The following PLBD1 variants were observed in gnomAD, a reference collection of about 807,000 sequenced individuals.
PLBD1 encodes lysosomal leucine aminopeptidase.
In PLBD1, 60 loss-of-function variants were observed where a neutral mutation model predicts 63.0. The observed-to-expected ratio is 0.95, with a 90% confidence interval of 0.77 to 1.18. The LOEUF (loss-of-function observed/expected upper bound fraction) is 1.18. Among genes scored for constraint, PLBD1 ranks in the 50% most tolerant of loss-of-function variants. The pLI is 0.00. For missense variants in PLBD1, 598 were observed against 677.9 expected (o/e 0.88, Z 1.31); for synonymous variants, 262 against 248.0 (o/e 1.06, Z -0.53).
Position 14,506,219 on chromosome 12 carries a change from G to A in PLBD1, c.1422C>T (p.Cys474=), listed in dbSNP as rs1447293683. The change falls in exon 10 of 11, where the codon TGC becomes TGT. Residue 474 remains cysteine, a synonymous_variant. Transcript: ENST00000240617. ...YSRGDPCNTI[C]CREDLNSPNP... is the part of the protein sequence containing the mutation. Reference sequence around the variant, plus strand: ...TAGGTGAGTTCAGGTCCTCACGGCAGCAGATGGTATTACAGGGGTCACCTC... The same window carrying A: ...TAGGTGAGTTCAGGTCCTCACGGCAACAGATGGTATTACAGGGGTCACCTC... 3 of 1,613,200 alleles carry A rather than the reference G, an allele frequency of 1.9e-6. No individual in the cohort carries two copies. The highest frequency in any genetic ancestry group is 2.5e-6 in the Non-Finnish European group (3 of 1,179,476).
chr12:14,544,974 AC>A (rs57255406), intron 2 of PLBD1, among the ~76,000 whole-genome samples: 11,337 of 151,992 alleles, frequency 0.075, 784 homozygotes, highest in East Asian at 0.38. Flanking sequence ...GGATTTTGGA[AC>A]TTTGGTGTGT....
intron 1 of PLBD1, among the ~76,000 whole-genome samples, chr12:14,559,986 A>G (rs1945733614): frequency 1.3e-5 from 2 of 151,568 alleles, no homozygotes; most frequent in Admixed American, 6.6e-5. Context: ...TCAGCCTCCC[A>G]AGTTGCTGGG....
intron 1 of PLBD1, among the ~76,000 whole-genome samples, chr12:14,565,457 A>G (rs1945773769): frequency 2.6e-5 from 4 of 151,952 alleles, no homozygotes; most frequent in Admixed American, 2.6e-4. Context: ...AAATAAAAAT[A>G]ATAGGAAATA....
chr12:14,513,272 A>C (rs1447813477), intron 6 of PLBD1, among the ~76,000 whole-genome samples: 3 of 152,232 alleles, frequency 2.0e-5, no homozygotes, highest in Non-Finnish European at 2.9e-5. Flanking sequence ...TCAAGCTATT[A>C]ACATATGCAC....
chr12:14,551,816 A>G (rs987169744), intron 2 of PLBD1, among the ~76,000 whole-genome samples: 4 of 152,220 alleles, frequency 2.6e-5, no homozygotes, highest in African/African-American at 9.6e-5. Context: ...CTCAATTTAA[A>G]TAACACAATC....
chr12:14,567,268 A>T (rs1204279771), intron 1 of PLBD1, among the ~76,000 whole-genome samples: 1 of 152,230 alleles, frequency 6.6e-6, no homozygotes, highest in East Asian at 1.9e-4. Flanking sequence ...TTAGATGCCC[A>T]TTGGCTGGAG....
intron 2 of PLBD1, among the ~76,000 whole-genome samples, chr12:14,551,838 C>T (rs1053330687): frequency 7.9e-5 from 12 of 152,130 alleles, no homozygotes; most frequent in South Asian, 6.2e-4. Context: ...GAATTCAGTG[C>T]GAACAGAAGT....
rs1945808109 is a variant in PLBD1 at position 14,567,834 on chromosome 12, T to C, written c.-138A>G. 8.3e-7 allele frequency: 1 copy of C among 1,210,590 alleles called. No individual in the cohort carries two copies. The highest frequency in any genetic ancestry group is 1.1e-6 in the Non-Finnish European group (1 of 934,606). The allele number at this position is 1,210,590 out of a possible 1,614,324, so 75.0% of individuals were successfully genotyped here. On this transcript the variant is annotated 5_prime_UTR_variant, in exon 1 of 11. Coordinates refer to ENST00000240617, the MANE Select transcript of PLBD1 (RefSeq NM_024829.6). The stretch of plus-strand genomic sequence containing the variant: ...GGGGCGTCCTCAACTTTCCTCTTTC[T>C]TGAGCCCGGCCTGCTCCGGGCTCTG...
chr12:14,546,751 G>A (rs1328593948), intron 2 of PLBD1, among the ~76,000 whole-genome samples: 1 of 152,198 alleles, frequency 6.6e-6, no homozygotes, highest in African/African-American at 2.4e-5. Flanking sequence ...TCCTTAAACA[G>A]AGGAACATTA....
At chr12:14,566,282 A>T (rs1372332736) in intron 1 of PLBD1, among the ~76,000 whole-genome samples, 1 of 152,140 alleles carries the variant, frequency 6.6e-6, no homozygotes, top group Admixed American at 6.5e-5. Context: ...GGTACATCTG[A>T]TCCCACAGAC....
rs1220632486 is a variant in PLBD1 at position 14,503,829 on chromosome 12, C to T, written c.1605G>A (p.Glu535=). The change falls in exon 11 of 11, where the codon GAG becomes GAA. Residue 535 remains glutamate, a synonymous_variant. Coordinates refer to ENST00000240617, the MANE Select transcript of PLBD1 (RefSeq NM_024829.6). The stretch of plus-strand genomic sequence containing the variant: ...TGGTAATAAAATCAAAGTTGTAGAC[C>T]TCTGGCATGCCCTGATGTAGAGTTT... The part of the protein sequence containing the change: ...FNKTLHQGMP[E]VYNFDFITMK... 4 of 1,613,688 alleles carry T rather than the reference C, an allele frequency of 2.5e-6. No individual in the cohort carries two copies. In the African/African-American group the frequency reaches 5.3e-5, roughly 22 times the overall value.
At chr12:14,512,428 G>C (rs893066945) in intron 6 of PLBD1, among the ~76,000 whole-genome samples, 4 of 152,122 alleles carry the variant, frequency 2.6e-5, no homozygotes, top group African/African-American at 9.7e-5. Flanking sequence ...GATTACAGGT[G>C]TGGGCCACCA....
chr12:14,539,678 C>T (rs1318804696), intron 4 of PLBD1, among the ~76,000 whole-genome samples: 3 of 150,628 alleles, frequency 2.0e-5, no homozygotes, highest in Admixed American at 6.6e-5. Context: ...CCCAGCTACT[C>T]GGGAGGATGA....
intron 1 of PLBD1, among the ~76,000 whole-genome samples, chr12:14,565,653 G>C (rs148686279): frequency 6.6e-6 from 1 of 152,068 alleles, no homozygotes; most frequent in East Asian, 1.9e-4. Flanking sequence ...ACAAGTGAGA[G>C]GTAGCAAGTC....
intron 1 of PLBD1, among the ~76,000 whole-genome samples, chr12:14,558,510 A>AGC (rs1420419950): frequency 1.3e-4 from 20 of 152,248 alleles, no homozygotes; most frequent in African/African-American, 4.8e-4. Context: ...GACTCCAGGG[A>AGC]GCGTTGTAGG....
intron 2 of PLBD1, among the ~76,000 whole-genome samples, chr12:14,545,880 T>C (rs1322857125): frequency 6.6e-6 from 1 of 152,216 alleles, no homozygotes; most frequent in Non-Finnish European, 1.5e-5. Flanking sequence ...ATTATTTACA[T>C]ATAGTTTATG....
Position 14,540,013 on chromosome 12 carries a change from CATATATATATAT to C in PLBD1, c.558+739_558+750del, listed in dbSNP as rs58124579. Among the ~76,000 whole-genome samples the C allele has an allele frequency of 3.1e-3, 70 of 22,770 alleles. 1 individual carries two copies. The highest frequency in any genetic ancestry group is 0.028 in the Middle Eastern group (1 of 36). The allele number at this position is 22,770 out of a possible 152,430, so 14.9% of individuals were successfully genotyped here. A position where few individuals can be genotyped will look rare whatever the true frequency, so the allele number is the denominator to read the frequency against. ...AAAAAGTTCAAAGAAAAGCTATGCACATATATATATATATATATATATATATATATATATATA... is the reference window on the plus strand; with the variant it reads ...AAAAAGTTCAAAGAAAAGCTATGCACATATATATATATATATATATATATA... On this transcript the variant is annotated intron_variant, in intron 4 of 10. Coordinates refer to ENST00000240617, the MANE Select transcript of PLBD1 (RefSeq NM_024829.6).
intron 6 of PLBD1, 100 bp from the exon 7 acceptor site, chr12:14,511,811 G>A: frequency 1.7e-6 from 2 of 1,169,884 alleles, no homozygotes; most frequent in Admixed American, 2.0e-5. Context: ...ATTTTGCAAA[G>A]TGTATCAGTT....
At chr12:14,505,197 A>T (rs1293978169) in intron 10 of PLBD1, among the ~76,000 whole-genome samples, 4 of 151,628 alleles carry the variant, frequency 2.6e-5, no homozygotes, top group Non-Finnish European at 4.4e-5. Flanking sequence ...GTTGAGCTGG[A>T]ACTTAGGATA....
Sources: gnomAD v4.1 joint callset for allele counts (sites outside exome capture counted in the v4.1 genomes callset) on GRCh38, gnomAD v4.1.1 for gene constraint, MANE v1.5 for transcripts, NCBI Gene and HGNC (gene_info 2026-07-23, HGNC 2026-07-21) for gene names.